The following CLDN14 variants were observed in gnomAD, a reference collection of about 807,000 sequenced individuals.
CLDN14 encodes the protein claudin 14, also known as claudin-14.
CLDN14 carries 2 observed loss-of-function variants against 2.1 expected under a neutral mutation model. The observed-to-expected ratio is 0.96, with a 90% CI of 0.39 to 3.01. The LOEUF (loss-of-function observed/expected upper bound fraction) is 3.01. Among genes scored for constraint, CLDN14 ranks in the 30% most tolerant of loss-of-function variants. CLDN14 has a pLI of 0.09. For missense variants in CLDN14, 298 were observed against 328.0 expected (o/e 0.91, Z 0.71); for synonymous variants, 136 against 154.4 (o/e 0.88, Z 0.88).
chr21:36,548,846 T>C (rs1028461913), intron 1 of CLDN14, among the ~76,000 whole-genome samples: 7 of 152,090 alleles, frequency 4.6e-5, no homozygotes, highest in African/African-American at 7.2e-5. Flanking sequence ...AAAGGGGAAA[T>C]GTCTTCCTCT....
chr21:36,468,237 C>T (rs1422819250), intron 1 of CLDN14, among the ~76,000 whole-genome samples: 1 of 152,226 alleles, frequency 6.6e-6, no homozygotes, highest in Non-Finnish European at 1.5e-5. Flanking sequence ...AATGTCCTCA[C>T]TGTCACCCCA....
rs2087070046 is a variant in CLDN14, at chr21:36,499,239, T to C, written c.-82+11124A>G. The stretch of plus-strand genomic sequence containing the variant: ...TTTGATGTGAATGGGGCCATTGCTT[T>C]CAGCTTTCTCCAAGGTTTTTGTTTG... On this transcript the variant is annotated intron_variant, in intron 2 of 2. Coordinates refer to the CLDN14 transcript ENST00000342108. This position sits in a 1 kb window ranked among gnomAD's most constrained non-coding sequence, Gnocchi z 4.7. 6.6e-6 allele frequency among the ~76,000 whole-genome samples: 1 copy of C among 152,230 alleles called. No homozygotes were observed. The highest frequency in any genetic ancestry group is 2.4e-5 in the African/African-American group (1 of 41,466).
At chr21:36,532,836 C>A (rs1186420539) in intron 1 of CLDN14, among the ~76,000 whole-genome samples, 2 of 152,096 alleles carry the variant, frequency 1.3e-5, no homozygotes, top group African/African-American at 2.4e-5. Flanking sequence ...CCCCCTGACC[C>A]CCCATCCCTT....
At chr21:36,574,432 C>G (rs1037389720) in intron 1 of CLDN14, among the ~76,000 whole-genome samples, 14 of 152,130 alleles carry the variant, frequency 9.2e-5, no homozygotes, top group African/African-American at 3.4e-4. Context: ...AAATACAACA[C>G]AGTAAGCAAA....
chr21:36,541,446 G>A (rs2087487575), intron 1 of CLDN14, among the ~76,000 whole-genome samples: 1 of 152,062 alleles, frequency 6.6e-6, no homozygotes, highest in South Asian at 2.1e-4. Flanking sequence ...GCAACTACAA[G>A]CAAAAAACCT....
At chr21:36,476,200 C>T (rs2086777427) in intron 1 of CLDN14, among the ~76,000 whole-genome samples, 1 of 152,144 alleles carries the variant, frequency 6.6e-6, no homozygotes, top group South Asian at 2.1e-4. Flanking sequence ...TCCTCTTCTC[C>T]AGCTACAATC....
At chr21:36,574,747 T>C (rs1487863777) in intron 1 of CLDN14, among the ~76,000 whole-genome samples, 1 of 152,194 alleles carries the variant, frequency 6.6e-6, no homozygotes, top group East Asian at 1.9e-4. Context: ...TAAAAATTCC[T>C]TAGAGGAGGA....
At chr21:36,572,961 A>C (rs550829692) in intron 1 of CLDN14, among the ~76,000 whole-genome samples, 1 of 152,334 alleles carries the variant, frequency 6.6e-6, no homozygotes, top group Admixed American at 6.5e-5. Flanking sequence ...TCGCAGGGTT[A>C]TTTCAAAACA....
chr21:36,476,507 C>A (rs983980764), intron 1 of CLDN14, among the ~76,000 whole-genome samples: 2 of 151,628 alleles, frequency 1.3e-5, no homozygotes, highest in Non-Finnish European at 2.9e-5. Context: ...GGCCGGAGCG[C>A]GGTGGTGCGA....
At chr21:36,468,080 G>A (rs2086668145) in intron 1 of CLDN14, among the ~76,000 whole-genome samples, 2 of 152,106 alleles carry the variant, frequency 1.3e-5, no homozygotes, top group Admixed American at 1.3e-4. Context: ...CATGATGTTG[G>A]GTCCATTATA....
intron 1 of CLDN14, among the ~76,000 whole-genome samples, chr21:36,474,629 C>A (rs2086751925): frequency 6.6e-6 from 1 of 152,166 alleles, no homozygotes; most frequent in South Asian, 2.1e-4. Context: ...CAGAACAACA[C>A]CGATAACAAA....
At chr21:36,505,294 G>T (rs534514358) in intron 2 of CLDN14, among the ~76,000 whole-genome samples, 1 of 152,248 alleles carries the variant, frequency 6.6e-6, no homozygotes, top group South Asian at 2.1e-4. Flanking sequence ...TTTTACAAAA[G>T]TATTGGTCCA....
chr21:36,521,227 C>A (rs1403406783), intron 1 of CLDN14, among the ~76,000 whole-genome samples: 1 of 152,222 alleles, frequency 6.6e-6, no homozygotes, highest in Non-Finnish European at 1.5e-5. Flanking sequence ...CAGCTCCTGG[C>A]AGGGTCCGAG....
intron 1 of CLDN14, among the ~76,000 whole-genome samples, chr21:36,514,650 TGTGTGTGTGTGTAG>T (rs2087212938): frequency 1.3e-5 from 2 of 148,706 alleles, no homozygotes; most frequent in Non-Finnish European, 3.0e-5. Flanking sequence ...TGTGTGTGTG[TGTGTGTGTGTGTAG>T]AGAGACAGGA....
At chr21:36,542,585 C>A (rs1329942861) in intron 1 of CLDN14, 1 of 152,268 alleles carries the variant, frequency 6.6e-6, no homozygotes, top group South Asian at 2.1e-4. Flanking sequence ...CGGCTGCACA[C>A]CAGCTCATGG....
At chr21:36,573,598 C>A (rs1473662034) in intron 1 of CLDN14, among the ~76,000 whole-genome samples, 5 of 152,086 alleles carry the variant, frequency 3.3e-5, no homozygotes. Context: ...ATGGTGAAAA[C>A]TACAACACTT....
chr21:36,461,373 G>A lies in CLDN14; in HGVS notation c.323C>T (p.Ala108Val), dbSNP rs373823945. ...GGTGGTCTTGGCGGGTGTGCCCTTG[G>A]CGCAGCGCGTGCACTTCATCCCGAT... ...AVIGMKCTRC[A>V]KGTPAKTTFA... The change falls in exon 2 of 2, where the codon GCC becomes GTC. Residue 108 changes from alanine to valine, a missense_variant. Coordinates refer to ENST00000399135, the MANE Select transcript of CLDN14 (RefSeq NM_001146079.2). The A allele has an allele frequency of 1.2e-5, 20 of 1,612,922 alleles. No individual in the cohort carries two copies. Among genetic ancestry groups the A allele is most frequent in the Non-Finnish European group, 1.7e-5 (20 of 1,179,920 alleles).
chr21:36,527,829 C>T (rs1011013127), intron 1 of CLDN14, among the ~76,000 whole-genome samples: 9 of 151,598 alleles, frequency 5.9e-5, no homozygotes, highest in Non-Finnish European at 7.4e-5. Context: ...TTCTGTATCT[C>T]AGGGGGAAGA....
At chr21:36,513,265 C>G (rs1196756123) in intron 1 of CLDN14, among the ~76,000 whole-genome samples, 1 of 152,162 alleles carries the variant, frequency 6.6e-6, no homozygotes, top group African/African-American at 2.4e-5. Context: ...AACAAAGAAG[C>G]CAAAGGACCA....
Sources: allele counts gnomAD v4.1 joint callset (sites outside exome capture counted in the v4.1 genomes callset), GRCh38; gene constraint gnomAD v4.1.1; non-coding constraint Gnocchi (gnomAD v3.1); transcripts MANE v1.5; gene names NCBI Gene and HGNC (gene_info 2026-07-23, HGNC 2026-07-21).